SCHIP1: variants seen among roughly 807,000 people sequenced by gnomAD.
SCHIP1 encodes schwannomin-interacting protein 1.
A neutral mutation model predicts 29.7 loss-of-function variants in SCHIP1; 8 were observed. The ratio of observed to expected loss-of-function variants is 0.27; its 90% CI spans 0.16 to 0.49. The LOEUF (loss-of-function observed/expected upper bound fraction) is 0.49. Ranked by LOEUF, SCHIP1 falls within the 20% of genes least tolerant of loss-of-function variation. SCHIP1 has a pLI of 0.99. For synonymous variants in SCHIP1, 76 were observed against 94.9 expected, an observed-to-expected ratio of 0.80 and a Z score of 1.16; for missense variants, 193 against 294.6, an observed-to-expected ratio of 0.66 and a Z score of 2.52.
At chr3:159,844,566 G>A (rs1330128199) in intron 1 of SCHIP1, among the ~76,000 whole-genome samples, 1 of 152,204 alleles carries the variant, frequency 6.6e-6, no homozygotes, top group Non-Finnish European at 1.5e-5. Flanking sequence ...GTCTTGGGAG[G>A]AAGCCAATCT....
chr3:159,481,332 A>T, the SCHIP1 span, among the ~76,000 whole-genome samples: 2 of 152,196 alleles, frequency 1.3e-5, no homozygotes, highest in East Asian at 1.9e-4. Flanking sequence ...TTTAAAAAAA[A>T]GTTTTAGGTG....
At chr3:159,563,658 G>A in the SCHIP1 span, among the ~76,000 whole-genome samples, 113 of 152,104 alleles carry the variant, frequency 7.4e-4, no homozygotes, top group African/African-American at 2.5e-3. Flanking sequence ...GTTAAAACCT[G>A]TCTCTACAAA....
At chr3:159,740,417 T>A in the SCHIP1 span, among the ~76,000 whole-genome samples, 1 of 152,136 alleles carries the variant, frequency 6.6e-6, no homozygotes, top group East Asian at 1.9e-4. Context: ...GAATGGATGC[T>A]GGGCAGGTGG....
the SCHIP1 span, among the ~76,000 whole-genome samples, chr3:159,364,585 C>T: frequency 6.6e-6 from 1 of 152,074 alleles, no homozygotes; most frequent in Non-Finnish European, 1.5e-5. Flanking sequence ...CTGTGGCTAC[C>T]CCAGAGGCAC....
the SCHIP1 span, among the ~76,000 whole-genome samples, chr3:159,538,303 A>C: frequency 6.6e-6 from 1 of 152,164 alleles, no homozygotes; most frequent in Non-Finnish European, 1.5e-5. Context: ...TTGACTAAAA[A>C]TTATATGGTT....
the SCHIP1 span, among the ~76,000 whole-genome samples, chr3:159,309,821 A>G: frequency 6.6e-6 from 1 of 152,176 alleles, no homozygotes; most frequent in African/African-American, 2.4e-5. Context: ...ACCATGCAAT[A>G]TTCAAATCAC....
At chr3:159,474,522 C>T in the SCHIP1 span, among the ~76,000 whole-genome samples, 2 of 151,992 alleles carry the variant, frequency 1.3e-5, no homozygotes, top group Non-Finnish European at 1.5e-5. Context: ...ATCCCCAAAA[C>T]TTATTATTTC....
At chr3:159,283,442 C>A in the SCHIP1 span, among the ~76,000 whole-genome samples, 1 of 152,186 alleles carries the variant, frequency 6.6e-6, no homozygotes, top group African/African-American at 2.4e-5. Flanking sequence ...AGGCGTGAAC[C>A]ATCATGCCCG....
the SCHIP1 span, among the ~76,000 whole-genome samples, chr3:159,278,947 C>G: frequency 1.3e-5 from 2 of 152,118 alleles, no homozygotes; most frequent in Non-Finnish European, 2.9e-5. Context: ...ACATGGCTCT[C>G]AAGACCACCT....
the SCHIP1 span, among the ~76,000 whole-genome samples, chr3:159,334,578 G>C: frequency 2.0e-5 from 3 of 152,100 alleles, no homozygotes; most frequent in Non-Finnish European, 4.4e-5. Context: ...GCCTCTTATA[G>C]TCAAATCATC....
At chr3:159,495,552 G>T in the SCHIP1 span, among the ~76,000 whole-genome samples, 1 of 152,156 alleles carries the variant, frequency 6.6e-6, no homozygotes, top group Non-Finnish European at 1.5e-5. Context: ...ACTTACAAGG[G>T]ATGTGAAGGA....
the SCHIP1 span, among the ~76,000 whole-genome samples, chr3:159,305,214 G>C: frequency 6.6e-6 from 1 of 152,166 alleles, no homozygotes; most frequent in Non-Finnish European, 1.5e-5. Flanking sequence ...TCCAGTAGCA[G>C]GGGATACCTC....
At chr3:159,837,490 A>G (rs1743775532), upstream of SCHIP1, among the ~76,000 whole-genome samples, 2 of 152,178 alleles carry the variant, frequency 1.3e-5, no homozygotes, top group African/African-American at 2.4e-5. Flanking sequence ...TGGTAGGCCA[A>G]GGTGGTTGGA....
At chr3:159,755,527 T>G in the SCHIP1 span, among the ~76,000 whole-genome samples, 1 of 152,190 alleles carries the variant, frequency 6.6e-6, no homozygotes, top group African/African-American at 2.4e-5. Context: ...AGATGAGACT[T>G]GGGTGGGGAC....
chr3:159,515,734 G>T, the SCHIP1 span, among the ~76,000 whole-genome samples: 1 of 152,026 alleles, frequency 6.6e-6, no homozygotes, highest in Non-Finnish European at 1.5e-5. Flanking sequence ...AAAGCTCTTG[G>T]GTTTTGGGAT....
At chr3:159,423,630 C>CGCACAGACAAT in the SCHIP1 span, among the ~76,000 whole-genome samples, 5 of 126,456 alleles carry the variant, frequency 4.0e-5, no homozygotes, top group South Asian at 1.0e-3. Context: ...CTGGGGGCAG[C>CGCACAGACAAT]GCACAGACAA....
chr3:159,474,159 A>G, the SCHIP1 span, among the ~76,000 whole-genome samples: 1 of 152,270 alleles, frequency 6.6e-6, no homozygotes, highest in East Asian at 1.9e-4. Context: ...GAGTCCTGTT[A>G]TATAGATATG....
At chr3:159,374,280 T>A in the SCHIP1 span, among the ~76,000 whole-genome samples, 9 of 152,056 alleles carry the variant, frequency 5.9e-5, no homozygotes, top group Middle Eastern at 3.2e-3. Context: ...GCAGTGTTAG[T>A]GGAGCTGAGA....
the SCHIP1 span, among the ~76,000 whole-genome samples, chr3:159,755,755 A>G: frequency 6.6e-6 from 1 of 152,262 alleles, no homozygotes; most frequent in Non-Finnish European, 1.5e-5. Flanking sequence ...CCTAAATACA[A>G]TGGGGGTACA....
Sources: allele counts gnomAD v4.1 joint callset (sites outside exome capture counted in the v4.1 genomes callset), GRCh38; gene constraint gnomAD v4.1.1; transcripts MANE v1.5; gene names NCBI Gene and HGNC (gene_info 2026-07-23, HGNC 2026-07-21).